The following ERI1 variants were observed in gnomAD, a reference collection of about 807,000 sequenced individuals.
ERI1 encodes 3'-5' exoribonuclease 1.
A neutral mutation model predicts 39.7 loss-of-function variants in ERI1; 39 were observed. The ratio of observed to expected loss-of-function variants is 0.98; its 90% confidence interval spans 0.76 to 1.28. ERI1 has a LOEUF of 1.28. ERI1 is among the 50% of genes most tolerant of loss of function. The probability of loss-of-function intolerance (pLI) is 0.00; values close to 1 mark genes in which losing one functional copy is unlikely to be tolerated. For synonymous variants in ERI1, 204 were observed against 149.6 expected, an observed-to-expected ratio of 1.36 and a Z score of -2.65; for missense variants, 581 against 416.9, an observed-to-expected ratio of 1.39 and a Z score of -3.43.
chr8:9,067,610 G>A (rs898095636), intron 3 of ERI1, among the ~76,000 whole-genome samples: 1 of 146,894 alleles, frequency 6.8e-6, no homozygotes, highest in African/African-American at 2.5e-5. Context: ...AGCCAAGATC[G>A]CACCACTGCA....
At position 9,018,294 on chromosome 8, in the gene ERI1, C is replaced by T. The variant is rs912109072; in HGVS notation, c.583-3C>T. On this transcript the variant is annotated splice_polypyrimidine_tract_variant and splice_region_variant and intron_variant, in intron 4 of 6. Transcript: ENST00000250263. ...TTTGTATATTTTACTTTTATATCCT[C>T]AGGATCAGGTAGACAGAGCTGATAC... 20 of 1,583,796 alleles carry T rather than the reference C, an allele frequency of 1.3e-5. No individual in the cohort carries two copies. Among genetic ancestry groups the T allele is most frequent in the Non-Finnish European group, 1.6e-5 (19 of 1,156,818 alleles).
intron 3 of ERI1, among the ~76,000 whole-genome samples, chr8:9,096,170 T>A (rs139649074): frequency 6.6e-6 from 1 of 152,294 alleles, no homozygotes; most frequent in Non-Finnish European, 1.5e-5. Context: ...GCAAACACAT[T>A]CTATTTGGCT....
intron 3 of ERI1, among the ~76,000 whole-genome samples, chr8:9,081,572 AC>A (rs1799367401): frequency 6.6e-6 from 1 of 151,846 alleles, no homozygotes; most frequent in Non-Finnish European, 1.5e-5. Flanking sequence ...CCCCTCTGCT[AC>A]CCATTTCTTC....
chr8:9,028,615 AT>A (rs1283901976), intron 6 of ERI1, among the ~76,000 whole-genome samples: 1 of 152,018 alleles, frequency 6.6e-6, no homozygotes, highest in Admixed American at 6.6e-5. Context: ...TATGAAGAAA[AT>A]ATAACAATTT....
chr8:9,088,876 T>G (rs1799615103), intron 3 of ERI1, among the ~76,000 whole-genome samples: 1 of 152,182 alleles, frequency 6.6e-6, no homozygotes, highest in African/African-American at 2.4e-5. Context: ...CCAAACACAT[T>G]CCCTGACCAG....
intron 6 of ERI1, among the ~76,000 whole-genome samples, chr8:9,026,333 C>G (rs1797153568): frequency 6.6e-6 from 1 of 152,166 alleles, no homozygotes; most frequent in South Asian, 2.1e-4. Flanking sequence ...ACAACCATCA[C>G]CACATCATTC....
chr8:9,043,604 G>T (rs1449016270), intron 3 of ERI1, among the ~76,000 whole-genome samples: 1 of 152,212 alleles, frequency 6.6e-6, no homozygotes, highest in Non-Finnish European at 1.5e-5. Flanking sequence ...GATAGTTCTA[G>T]AAAATTATTA....
chr8:9,026,906 C>T (rs962114449), intron 6 of ERI1, among the ~76,000 whole-genome samples: 1 of 152,006 alleles, frequency 6.6e-6, no homozygotes, highest in Non-Finnish European at 1.5e-5. Context: ...TAAGTTACTT[C>T]CATGTTTTGG....
At chr8:9,087,792 C>A (rs1460569265) in intron 3 of ERI1, among the ~76,000 whole-genome samples, 1 of 152,150 alleles carries the variant, frequency 6.6e-6, no homozygotes, top group Non-Finnish European at 1.5e-5. Context: ...TCCCTACTTT[C>A]ACAGAGAGGG....
chr8:9,016,439 A>C, intron 4 of ERI1, 34 bp downstream of exon 4: 1 of 1,372,396 alleles, frequency 7.3e-7, no homozygotes, highest in Non-Finnish European at 1.0e-6. Flanking sequence ...CTAGAGTTTG[A>C]AAGAGTTCTT....
chr8:9,028,995 TTTAAC>T (rs1305333503), intron 6 of ERI1, among the ~76,000 whole-genome samples: 4 of 150,490 alleles, frequency 2.7e-5, no homozygotes, highest in African/African-American at 4.9e-5. Context: ...TTTTTTTTTT[TTTAAC>T]TTATCAAGGA....
intron 3 of ERI1, among the ~76,000 whole-genome samples, chr8:9,073,771 C>G (rs1217282869): frequency 6.6e-6 from 1 of 152,158 alleles, no homozygotes; most frequent in Non-Finnish European, 1.5e-5. Context: ...TAATCTTTCT[C>G]TATGCAATCA....
intron 3 of ERI1, among the ~76,000 whole-genome samples, chr8:9,084,856 G>A (rs1799476828): frequency 6.6e-6 from 1 of 152,224 alleles, no homozygotes; most frequent in African/African-American, 2.4e-5. Context: ...GTGGAGAGGT[G>A]TACACAAGCA....
chr8:9,003,960 C>T lies in ERI1; in HGVS notation c.108+789C>T, dbSNP rs544433062. The T allele has an allele frequency of 6.8e-4, 412 of 606,434 alleles. 7 individuals carry two copies. Among genetic ancestry groups the T allele is most frequent in the South Asian group, 5.8e-3 (389 of 66,618 alleles). The allele number at this position is 606,434 out of a possible 1,614,324, so 37.6% of individuals were successfully genotyped here. Reference sequence around the variant, plus strand: ...GCAGCTAGAATGAGCTTTTCAATAACATGAATTTGGCTTATTCCCCTCCTG... The same window carrying T: ...GCAGCTAGAATGAGCTTTTCAATAATATGAATTTGGCTTATTCCCCTCCTG... On this transcript the variant is annotated intron_variant, in intron 1 of 6. Coordinates refer to ENST00000250263, the MANE Select transcript of ERI1 (RefSeq NM_153332.4).
chr8:9,008,907 T>G (rs1011855434), intron 2 of ERI1: 11 of 423,080 alleles, frequency 2.6e-5, no homozygotes, highest in Non-Finnish European at 4.7e-5. Context: ...AATAGTAGTA[T>G]TCTTCCTCTT....
downstream of ERI1, among the ~76,000 whole-genome samples, chr8:9,033,944 T>G (rs896056170): frequency 7.2e-5 from 11 of 152,270 alleles, no homozygotes; most frequent in Admixed American, 2.0e-4. Context: ...ATTCTTTGAA[T>G]GAAACAATAT....
At chr8:9,013,971 T>C (rs1816957292) in intron 3 of ERI1, among the ~76,000 whole-genome samples, 1 of 152,230 alleles carries the variant, frequency 6.6e-6, no homozygotes, top group Non-Finnish European at 1.5e-5. Flanking sequence ...TCTTTGTGTT[T>C]CTGTCTGTGT....
chr8:9,010,774 A>T (rs1816583934), intron 2 of ERI1, among the ~76,000 whole-genome samples: 1 of 152,190 alleles, frequency 6.6e-6, no homozygotes, highest in African/African-American at 2.4e-5. Context: ...GAATGAAGTC[A>T]CCTGATCACT....
intron 3 of ERI1, among the ~76,000 whole-genome samples, chr8:9,014,548 GTGA>G (rs1817026573): frequency 6.6e-6 from 1 of 152,112 alleles, no homozygotes; most frequent in African/African-American, 2.4e-5. Flanking sequence ...ATTTATTTAA[GTGA>G]TGATTAAAGA....
Sources: allele counts gnomAD v4.1 joint callset (sites outside exome capture counted in the v4.1 genomes callset), GRCh38; gene constraint gnomAD v4.1.1; transcripts MANE v1.5; gene names NCBI Gene and HGNC (gene_info 2026-07-23, HGNC 2026-07-21).